The following MYBPC1 variants were observed in gnomAD, a reference collection of about 807,000 sequenced individuals.
The protein encoded by MYBPC1 is myosin binding protein C1.
A neutral mutation model predicts 147.1 loss-of-function variants in MYBPC1; 52 were observed. The ratio of observed to expected loss-of-function variants is 0.35; its 90% CI spans 0.28 to 0.45. MYBPC1 has a LOEUF of 0.45. MYBPC1 is among the 20% of genes least tolerant of loss of function. The pLI, the probability that MYBPC1 is intolerant of heterozygous loss-of-function variation, is 1.00. For missense variants in MYBPC1, 1,228 were observed against 1,440.3 expected, an observed-to-expected ratio of 0.85 and a Z score of 2.39; for synonymous variants, 477 against 475.9, an observed-to-expected ratio of 1.00 and a Z score of -0.03.
chr12:101,659,233 T>A (rs1896109394), intron 18 of MYBPC1, among the ~76,000 whole-genome samples: 1 of 152,204 alleles, frequency 6.6e-6, no homozygotes, highest in Admixed American at 6.5e-5. Flanking sequence ...AATGAACAAA[T>A]CATTATTTAG....
chr12:101,678,432 T>C (rs1159153910), intron 28 of MYBPC1, among the ~76,000 whole-genome samples, 194 bp downstream of exon 28: 1 of 152,252 alleles, frequency 6.6e-6, no homozygotes, highest in African/African-American at 2.4e-5. Flanking sequence ...ATTTCTTTGC[T>C]AAGGGATTCC....
At chr12:101,628,232 C>A (rs1210036696) in intron 5 of MYBPC1, 1 of 269,888 alleles carries the variant, frequency 3.7e-6, no homozygotes, top group African/African-American at 2.2e-5. Context: ...GTACTGAGGA[C>A]CTAATATGAT....
intron 1 of MYBPC1, among the ~76,000 whole-genome samples, chr12:101,599,275 A>T (rs1878820928): frequency 1.3e-5 from 2 of 152,228 alleles, no homozygotes; most frequent in South Asian, 4.1e-4. Context: ...TTTCAATAGG[A>T]ATAGATGGGA....
intron 19 of MYBPC1, 33 bp from the exon 20 acceptor site, chr12:101,661,125 A>T: frequency 6.9e-7 from 1 of 1,458,582 alleles, no homozygotes; most frequent in Non-Finnish European, 9.6e-7. Context: ...CCTCTTCCTT[A>T]TTTTACTTTA....
intron 22 of MYBPC1, among the ~76,000 whole-genome samples, chr12:101,667,206 C>A (rs1262325472): frequency 6.6e-6 from 1 of 152,202 alleles, no homozygotes; most frequent in Non-Finnish European, 1.5e-5. Context: ...TAAGCTTTTT[C>A]TCTTCATCAA....
intron 10 of MYBPC1, among the ~76,000 whole-genome samples, chr12:101,639,803 C>G (rs1433760957): frequency 1.3e-5 from 2 of 151,962 alleles, no homozygotes; most frequent in Non-Finnish European, 2.9e-5. Flanking sequence ...AGCTTTAAAT[C>G]CTCCGCCAAT....
At chr12:101,603,023 A>G (rs745702006) in intron 1 of MYBPC1, among the ~76,000 whole-genome samples, 3 of 152,138 alleles carry the variant, frequency 2.0e-5, no homozygotes, top group African/African-American at 4.8e-5. Flanking sequence ...TCCAAGGGTT[A>G]TAAGTCTTGG....
intron 29 of MYBPC1, among the ~76,000 whole-genome samples, chr12:101,681,315 G>A (rs117003905): frequency 0.013 from 2,008 of 151,716 alleles, 18 homozygotes; most frequent in South Asian, 0.028. Flanking sequence ...GAGATAATAG[G>A]TGACATGATC....
rs755402020 is a variant in MYBPC1, at chr12:101,678,271, C to T, written c.3246+33C>T. ...GTTCTTCTATCACATCAGTTAAAGT[C>T]CCTGTCTTGTATTTGTTGTGTTATA... On this transcript the variant is annotated intron_variant, in intron 28 of 31. Transcript: ENST00000361466. 48 of 1,610,658 alleles carry T rather than the reference C, an allele frequency of 3.0e-5. 1 individual carries two copies. Among genetic ancestry groups the T allele is most frequent in the African/African-American group, 8.0e-5 (6 of 74,856 alleles).
intron 15 of MYBPC1, 126 bp from the exon 16 acceptor site, chr12:101,651,105 T>A (rs1894347824): frequency 2.0e-6 from 2 of 1,000,572 alleles, no homozygotes; most frequent in Non-Finnish European, 3.2e-6. Context: ...ATTAATTGCA[T>A]TGGTACAGCT....
chr12:101,598,661 C>T (rs1878513290), intron 1 of MYBPC1, among the ~76,000 whole-genome samples: 1 of 152,112 alleles, frequency 6.6e-6, no homozygotes. Flanking sequence ...GCAAACTCTG[C>T]CTCCCAGGCT....
At chr12:101,691,303 C>T in the MYBPC1 span, among the ~76,000 whole-genome samples, 4 of 152,084 alleles carry the variant, frequency 2.6e-5, no homozygotes, top group Non-Finnish European at 5.9e-5. Context: ...AACTCCTGGC[C>T]TCAAGTGATC....
At chr12:101,650,872 G>A (rs1471152258) in intron 15 of MYBPC1, 8 of 338,764 alleles carry the variant, frequency 2.4e-5, no homozygotes, top group African/African-American at 4.3e-5. Context: ...GTAGAAAGAG[G>A]ATTATTCAAA....
intron 24 of MYBPC1, among the ~76,000 whole-genome samples, chr12:101,671,447 C>T (rs1898710928): frequency 6.6e-6 from 1 of 152,188 alleles, no homozygotes; most frequent in Non-Finnish European, 1.5e-5. Flanking sequence ...AGGCCATCCT[C>T]ATTGCACTCC....
Position 101,631,517 on chromosome 12 carries a change from C to A in MYBPC1, c.290-54C>A, listed in dbSNP as rs535891312. The A allele has an allele frequency of 2.7e-5, 44 of 1,600,038 alleles. No homozygotes were observed. The East Asian group carries it at 9.2e-4, about 33-fold the overall frequency. On this transcript the variant is annotated intron_variant, in intron 6 of 31. Transcript: ENST00000361466. ...CATGTCAACTCCTTCCAGTTGAAAGCAAAACAAATGACGCTTGTTAAAGAG... is the reference window on the plus strand; with the variant it reads ...CATGTCAACTCCTTCCAGTTGAAAGAAAAACAAATGACGCTTGTTAAAGAG...
At chr12:101,694,406 C>A in the MYBPC1 span, among the ~76,000 whole-genome samples, 1 of 152,182 alleles carries the variant, frequency 6.6e-6, no homozygotes, top group Non-Finnish European at 1.5e-5. Context: ...CCTGCCCCTG[C>A]TCCACCCCCA....
At chr12:101,632,806 C>A (rs185293894) in intron 8 of MYBPC1, among the ~76,000 whole-genome samples, 1 of 152,114 alleles carries the variant, frequency 6.6e-6, no homozygotes, top group South Asian at 2.1e-4. Flanking sequence ...CTTGGTTCAC[C>A]ACAACTTCCA....
rs1566003039 is a variant in MYBPC1 at position 101,673,620 on chromosome 12, T to C, written c.2807T>C (p.Ile936Thr). The change falls in exon 25 of 32, where the codon ATT becomes ACT. Residue 936 changes from isoleucine to threonine, a missense_variant and splice_region_variant. Transcript: ENST00000361466. Reference sequence around the variant, plus strand: ...ACCGCATCAATTGACATCCAGATCATTGGTAGGTTTAGATGAAGGAGCCAG... The same window carrying C: ...ACCGCATCAATTGACATCCAGATCACTGGTAGGTTTAGATGAAGGAGCCAG... ...VETASIDIQI[I>T]DRPGPPQIVK... The C allele has an allele frequency of 1.9e-6, 3 of 1,614,122 alleles. No individual in the cohort carries two copies. Among genetic ancestry groups the C allele is most frequent in the Non-Finnish European group, 1.7e-6 (2 of 1,180,012 alleles).
chr12:101,676,580 C>G (rs745954017), intron 26 of MYBPC1, among the ~76,000 whole-genome samples: 1 of 151,888 alleles, frequency 6.6e-6, no homozygotes, highest in Non-Finnish European at 1.5e-5. Flanking sequence ...CATAGGGAGA[C>G]CTCCTCTCTC....
Sources: allele counts gnomAD v4.1 joint callset (sites outside exome capture counted in the v4.1 genomes callset), GRCh38; gene constraint gnomAD v4.1.1; transcripts MANE v1.5; gene names NCBI Gene and HGNC (gene_info 2026-07-23, HGNC 2026-07-21).